AP2M1: variants seen among roughly 807,000 people sequenced by gnomAD.
AP2M1 encodes the protein AP-2 complex subunit mu.
Under a neutral mutation model 54.5 loss-of-function variants are expected in AP2M1, and 5 were observed. That is an observed-to-expected ratio of 0.09 (90% CI 0.05 to 0.19). The LOEUF is 0.19. AP2M1 is among the 10% of genes least tolerant of loss of function. The pLI, the probability that AP2M1 is intolerant of heterozygous loss-of-function variation, is 1.00. For synonymous variants in AP2M1, 186 were observed against 208.2 expected (o/e 0.89, Z 0.92); for missense variants, 178 against 580.2 (o/e 0.31, Z 7.12).
rs1577059796 is a variant in AP2M1 at position 184,181,131 on chromosome 3, C to T, written c.612C>T (p.Ser204=). Residue 204 remains serine (S), a synonymous_variant, in exon 7 of 12, where the codon AGC becomes AGT. Coordinates refer to ENST00000292807, the MANE Select transcript of AP2M1 (RefSeq NM_004068.4). The surrounding 1 kb of genome is among the most constrained non-coding windows in gnomAD (Gnocchi z 5.7). ...AHVSGRVVMK[S]YLSGMPECKF... ...TGTCGGGCCGGGTGGTGATGAAGAG[C>T]TACCTGAGTGGCATGCCTGAATGCA... is the stretch of plus-strand genomic sequence containing the variant. 6.2e-7 allele frequency: 1 copy of T among 1,614,170 alleles called. No homozygotes were observed. Among genetic ancestry groups the T allele is most frequent in the East Asian group, 2.2e-5 (1 of 44,878 alleles).
At chr3:184,179,249 C>A in intron 3 of AP2M1, 127 bp downstream of exon 3, 1 of 1,255,286 alleles carries the variant, frequency 8.0e-7, no homozygotes, top group Non-Finnish European at 1.1e-6. Context: ...AGTATTTGGT[C>A]TCTTGGGCTA....
chr3:184,178,084 G>T lies in AP2M1; in HGVS notation c.75-773G>T. The T allele has an allele frequency of 8.5e-7, 1 of 1,171,632 alleles. No individual in the cohort carries two copies. Among genetic ancestry groups the T allele is most frequent in the South Asian group, 1.3e-5 (1 of 76,474 alleles). The allele number at this position is 1,171,632 out of a possible 1,614,324, so 72.6% of individuals were successfully genotyped here. A position where few individuals can be genotyped will look rare whatever the true frequency, so the allele number is the denominator to read the frequency against. On this transcript the variant is annotated intron_variant, in intron 2 of 11. Transcript: ENST00000292807. This position sits in a 1 kb window ranked among gnomAD's most constrained non-coding sequence, Gnocchi z 4.9. Reference sequence around the variant, plus strand: ...GGCCAGGTCACACGCCGCCTTGCCTGTCTTGTCTGCTTCTGCCTCACGGTG... The same window carrying T: ...GGCCAGGTCACACGCCGCCTTGCCTTTCTTGTCTGCTTCTGCCTCACGGTG...
At position 184,176,970 on chromosome 3, in the gene AP2M1, G is replaced by A. The variant is rs201516833; in HGVS notation, c.-24G>A. ...TCCTAGGTCTGTTCTCAGAGCGATG[G>A]GCCGCGGAGACTGATCTGCCGCCAT... On this transcript the variant is annotated 5_prime_UTR_variant, in exon 2 of 12. Transcript: ENST00000292807. 6.2e-4 allele frequency: 996 copies of A among 1,612,704 alleles called. 5 individuals are homozygous for A. The highest frequency in any genetic ancestry group is 2.8e-3 in the Middle Eastern group (17 of 6,056).
At chr3:184,179,160 T>TG (rs1560126097) in intron 3 of AP2M1, 38 bp downstream of exon 3, 3 of 1,602,238 alleles carry the variant, frequency 1.9e-6, no homozygotes, top group Non-Finnish European at 1.7e-6. Context: ...GGGCGTAGGG[T>TG]GGGAAAAAAC....
rs1715345797 is a variant in AP2M1 at position 184,183,645 on chromosome 3, C to T, written c.*29C>T. 1.2e-6 allele frequency: 2 copies of T among 1,609,806 alleles called. No homozygotes were observed. The highest frequency in any genetic ancestry group is 4.5e-5 in the East Asian group (2 of 44,840). On this transcript the variant is annotated 3_prime_UTR_variant, in exon 12 of 12. Transcript: ENST00000292807. The surrounding 1 kb of genome is among the most constrained non-coding windows in gnomAD (Gnocchi z 5.7). ...CCACTAGGCAGCTAGCCCACCTCCC[C>T]AGCCACCCTCCTCCACAGGTCCAGG... is the stretch of plus-strand genomic sequence containing the variant.
In AP2M1 at chr3:184,181,176, G is replaced by T; in HGVS notation, c.657G>T (p.Lys219Asn). Residue 219 changes from lysine to asparagine, a missense_variant, in exon 7 of 12, where the codon AAG becomes AAT. By Grantham distance (94) the Lys-to-Asn change is moderately conservative (BLOSUM62 0). Transcript: ENST00000292807. The surrounding 1 kb of genome is among the most constrained non-coding windows in gnomAD (Gnocchi z 5.7). ...MPECKFGMNDKIVIEKQGKGT... is the reference protein window; with the variant it reads ...MPECKFGMNDNIVIEKQGKGT... ...AATGCAAGTTTGGGATGAATGACAAGATTGTTATTGAAAAGCAGGGCAAAG... is the reference window on the plus strand; with the variant it reads ...AATGCAAGTTTGGGATGAATGACAATATTGTTATTGAAAAGCAGGGCAAAG... The T allele has an allele frequency of 6.2e-7, 1 of 1,614,192 alleles. No homozygotes were observed. The highest frequency in any genetic ancestry group is 8.5e-7 in the Non-Finnish European group (1 of 1,180,046).
In AP2M1 at chr3:184,178,886, A is replaced by G. The variant is rs1159187719; in HGVS notation, c.104A>G (p.Asn35Ser). The stretch of plus-strand genomic sequence containing the variant: ...AACGCAGTGGATGCCTTTCGGGTCA[A>G]TGTTATCCATGCCCGGCAGCAGGTG... ...GRNAVDAFRVNVIHARQQVRS... is the reference protein window; with the variant it reads ...GRNAVDAFRVSVIHARQQVRS... The change falls in exon 3 of 12, where the codon AAT (asparagine) becomes AGT (serine). Residue 35 changes from asparagine (N) to serine (S), a missense_variant. Physicochemically the swap from Asn to Ser is conservative, Grantham distance 46. Around this residue, in one of 5 missense-constraint regions of AP2M1, gnomAD observed 115 missense variants for 331.2 expected, o/e 0.35. Transcript: ENST00000292807. The surrounding 1 kb of genome is among the most constrained non-coding windows in gnomAD (Gnocchi z 4.9). 5 of 1,613,956 alleles carry G rather than the reference A, an allele frequency of 3.1e-6. No homozygotes were observed. Among genetic ancestry groups the G allele is most frequent in the East Asian group, 2.2e-5 (1 of 44,892 alleles).
Position 184,181,031 on chromosome 3 carries a change from C to T in AP2M1, c.565+47C>T. Reference sequence around the variant, plus strand: ...AGTTGGAGGGGGCCCAGGGCAGGATCCTGGGCCTGCCTGCCTGACTCCGCT... The same window carrying T: ...AGTTGGAGGGGGCCCAGGGCAGGATTCTGGGCCTGCCTGCCTGACTCCGCT... On this transcript the variant is annotated intron_variant, in intron 6 of 11. Transcript: ENST00000292807. This position sits in a 1 kb window ranked among gnomAD's most constrained non-coding sequence, Gnocchi z 5.7. The T allele has an allele frequency of 1.2e-6, 2 of 1,614,022 alleles. No homozygotes were observed. Among genetic ancestry groups the T allele is most frequent in the African/African-American group, 1.3e-5 (1 of 75,032 alleles).
intron 2 of AP2M1, chr3:184,177,543 G>A (rs913069442): frequency 6.5e-7 from 1 of 1,535,790 alleles, no homozygotes; most frequent in Non-Finnish European, 8.7e-7. Context: ...CCTTTCTCAG[G>A]AGTCGTCAGG....
chr3:184,181,005 A>G lies in AP2M1; in HGVS notation c.565+21A>G. The G allele has an allele frequency of 6.2e-7, 1 of 1,613,986 alleles. No homozygotes were observed. Among genetic ancestry groups the G allele is most frequent in the Non-Finnish European group, 8.5e-7 (1 of 1,179,982 alleles). On this transcript the variant is annotated intron_variant, in intron 6 of 11. Coordinates refer to ENST00000292807, the MANE Select transcript of AP2M1 (RefSeq NM_004068.4). The surrounding 1 kb of genome is among the most constrained non-coding windows in gnomAD (Gnocchi z 5.7). ...ACAAGGTGAGGTCCCTCTCACGACA[A>G]AGTTGGAGGGGGCCCAGGGCAGGAT...
Position 184,180,758 on chromosome 3 carries a change from A to T in AP2M1, c.430-91A>T. ...GGATTACAGGTGGGGACTAGAAGGG[A>T]TGGGGAATGAGGGTGGAGTGGGGAT... On this transcript the variant is annotated intron_variant, in intron 5 of 11. Coordinates refer to ENST00000292807, the MANE Select transcript of AP2M1 (RefSeq NM_004068.4). The surrounding 1 kb of genome is among the most constrained non-coding windows in gnomAD (Gnocchi z 4.9). 1 of 1,613,964 alleles carries T rather than the reference A, an allele frequency of 6.2e-7. No individual in the cohort carries two copies. The highest frequency in any genetic ancestry group is 8.5e-7 in the Non-Finnish European group (1 of 1,179,918).
intron 1 of AP2M1, 182 bp from the exon 2 acceptor site, chr3:184,176,769 A>G: frequency 1.9e-6 from 1 of 521,314 alleles, no homozygotes; most frequent in Non-Finnish European, 3.4e-6. Flanking sequence ...TCTTTCTCCC[A>G]TCTAGTGTGG....
chr3:184,178,098 T>G lies in AP2M1; in HGVS notation c.75-759T>G. On this transcript the variant is annotated intron_variant, in intron 2 of 11. Transcript: ENST00000292807. This position sits in a 1 kb window ranked among gnomAD's most constrained non-coding sequence, Gnocchi z 4.9. ...CCGCCTTGCCTGTCTTGTCTGCTTC[T>G]GCCTCACGGTGTGTGCCGCCCTCCC... The G allele has an allele frequency of 2.4e-6, 3 of 1,265,482 alleles. No individual in the cohort carries two copies. Among genetic ancestry groups the G allele is most frequent in the Non-Finnish European group, 3.3e-6 (3 of 900,630 alleles). The allele number at this position is 1,265,482 out of a possible 1,614,324, so 78.4% of individuals were successfully genotyped here. A position where few individuals can be genotyped will look rare whatever the true frequency, so the allele number is the denominator to read the frequency against.
rs764010294 is a variant in AP2M1 at position 184,181,048 on chromosome 3, G to A, written c.566-37G>A. 1.2e-6 allele frequency: 2 copies of A among 1,614,104 alleles called. No individual in the cohort carries two copies. The highest frequency in any genetic ancestry group is 2.2e-5 in the South Asian group (2 of 91,014). On this transcript the variant is annotated intron_variant, in intron 6 of 11. Coordinates refer to ENST00000292807, the MANE Select transcript of AP2M1 (RefSeq NM_004068.4). The surrounding 1 kb of genome is among the most constrained non-coding windows in gnomAD (Gnocchi z 5.7). Reference sequence around the variant, plus strand: ...GGCAGGATCCTGGGCCTGCCTGCCTGACTCCGCTGCTCCCCATTTATCTGT... The same window carrying A: ...GGCAGGATCCTGGGCCTGCCTGCCTAACTCCGCTGCTCCCCATTTATCTGT...
intron 2 of AP2M1, among the ~76,000 whole-genome samples, chr3:184,177,356 G>A (rs534463460): frequency 6.6e-6 from 1 of 152,342 alleles, no homozygotes; most frequent in East Asian, 1.9e-4. Flanking sequence ...CTTTGCCCAG[G>A]CTGGTGAATT....
Position 184,181,674 on chromosome 3 carries a change from C to G in AP2M1, c.708-22C>G. 6.2e-7 allele frequency: 1 copy of G among 1,613,270 alleles called. No individual in the cohort carries two copies. Among genetic ancestry groups the G allele is most frequent in the Non-Finnish European group, 8.5e-7 (1 of 1,179,790 alleles). On this transcript the variant is annotated intron_variant, in intron 7 of 11. Transcript: ENST00000292807. This position sits in a 1 kb window ranked among gnomAD's most constrained non-coding sequence, Gnocchi z 5.7. ...CTGTCATTCTCCTGTACCAATGAGA[C>G]CTCTTCTGCCCCTGCTTGCAGCGGG...
chr3:184,183,704 C>A lies in AP2M1; in HGVS notation c.*88C>A. The A allele has an allele frequency of 6.9e-7, 1 of 1,444,334 alleles. No homozygotes were observed. The allele number at this position is 1,444,334 out of a possible 1,614,324, so 89.5% of individuals were successfully genotyped here. A position where few individuals can be genotyped will look rare whatever the true frequency, so the allele number is the denominator to read the frequency against. On this transcript the variant is annotated 3_prime_UTR_variant, in exon 12 of 12. Transcript: ENST00000292807. This position sits in a 1 kb window ranked among gnomAD's most constrained non-coding sequence, Gnocchi z 5.7. ...CCTCCCCCACCACACATCAGTGTCT[C>A]CTCCCTCCTGCTTTGCTGCCTTCCC...
chr3:184,182,686 C>T lies in AP2M1; in HGVS notation c.1062-71C>T. The T allele has an allele frequency of 7.2e-7, 1 of 1,393,252 alleles. No individual in the cohort carries two copies. Among genetic ancestry groups the T allele is most frequent in the Non-Finnish European group, 1.0e-6 (1 of 990,682 alleles). The allele number at this position is 1,393,252 out of a possible 1,614,324, so 86.3% of individuals were successfully genotyped here. On this transcript the variant is annotated intron_variant, in intron 10 of 11. Transcript: ENST00000292807. The surrounding 1 kb of genome is among the most constrained non-coding windows in gnomAD (Gnocchi z 5.5). Reference sequence around the variant, plus strand: ...TGCAAGCTCCTGGGCTCTCTCCTTGCTTGAAATGGGCAACTGCCCTTGAAA... The same window carrying T: ...TGCAAGCTCCTGGGCTCTCTCCTTGTTTGAAATGGGCAACTGCCCTTGAAA...
Position 184,180,605 on chromosome 3 carries a change from C to G in AP2M1, c.424-40C>G, listed in dbSNP as rs373365746. Reference sequence around the variant, plus strand: ...TTCTCCTCCTTTTCTGCCTCCCTTGCTGCTTCATGTGGGCACCTCGTTGGC... The same window carrying G: ...TTCTCCTCCTTTTCTGCCTCCCTTGGTGCTTCATGTGGGCACCTCGTTGGC... On this transcript the variant is annotated intron_variant, in intron 4 of 11. Transcript: ENST00000292807. This position sits in a 1 kb window ranked among gnomAD's most constrained non-coding sequence, Gnocchi z 4.9. The G allele has an allele frequency of 2.5e-5, 41 of 1,613,346 alleles. No homozygotes were observed. The African/African-American group carries it at 4.3e-4, about 17-fold the overall frequency.
Sources: allele counts gnomAD v4.1 joint callset (sites outside exome capture counted in the v4.1 genomes callset), GRCh38; gene constraint gnomAD v4.1.1; regional missense constraint gnomAD v4.1.1; non-coding constraint Gnocchi (gnomAD v3.1); transcripts MANE v1.5; gene names NCBI Gene and HGNC (gene_info 2026-07-23, HGNC 2026-07-21).